DCC: variants seen among roughly 807,000 people sequenced by gnomAD.
DCC encodes the protein netrin receptor DCC.
Under a neutral mutation model 172.5 loss-of-function variants are expected in DCC, and 58 were observed. The observed-to-expected ratio is 0.34, with a 90% confidence interval of 0.27 to 0.42. The LOEUF (loss-of-function observed/expected upper bound fraction) is 0.42. Ranked by LOEUF, DCC falls within the 10% of genes least tolerant of loss-of-function variation. DCC has a pLI of 1.00. For synonymous variants in DCC, 709 were observed against 644.5 expected (o/e 1.10, Z -1.52); for missense variants, 1,740 against 1,791.0 (o/e 0.97, Z 0.51).
intron 7 of DCC, among the ~76,000 whole-genome samples, chr18:53,096,179 T>A (rs986419790): frequency 1.3e-5 from 2 of 151,734 alleles, no homozygotes; most frequent in Admixed American, 6.6e-5. Flanking sequence ...TAAATAAATT[T>A]TAAAAAATAA....
chr18:53,105,890 T>C, intron 7 of DCC, among the ~76,000 whole-genome samples: 1 of 151,480 alleles, frequency 6.6e-6, no homozygotes, highest in South Asian at 2.1e-4. Context: ...ATGTCCTCTT[T>C]AGTATATTTG....
chr18:52,851,103 G>A (rs1419351352), intron 2 of DCC, among the ~76,000 whole-genome samples: 4 of 151,980 alleles, frequency 2.6e-5, no homozygotes, highest in Admixed American at 6.6e-5. Flanking sequence ...AGTATCTTAC[G>A]ATGTATACTT....
intron 19 of DCC, among the ~76,000 whole-genome samples, chr18:53,407,528 GAT>G (rs74180422): frequency 0.3 from 35,280 of 117,314 alleles, 5,721 homozygotes; most frequent in Non-Finnish European, 0.4. Context: ...TTTTATTCTG[GAT>G]ATATATATAT....
At chr18:53,196,212 AG>A (rs1293345045) in intron 9 of DCC, among the ~76,000 whole-genome samples, 1 of 152,180 alleles carries the variant, frequency 6.6e-6, no homozygotes, top group African/African-American at 2.4e-5. Flanking sequence ...TGGTGTGTGT[AG>A]GTAGTTTTTG....
chr18:53,016,408 A>C (rs2041808253), intron 5 of DCC, among the ~76,000 whole-genome samples: 1 of 152,100 alleles, frequency 6.6e-6, no homozygotes, highest in Non-Finnish European at 1.5e-5. Flanking sequence ...ATTTAGCTGA[A>C]ATAAACAATG....
chr18:53,321,945 A>G (rs1225086360), intron 13 of DCC, 102 bp from the exon 14 acceptor site: 3 of 775,344 alleles, frequency 3.9e-6, no homozygotes, highest in East Asian at 2.4e-5. Flanking sequence ...AATGTAAAGC[A>G]TGTCCACTAT....
At chr18:53,251,445 G>A (rs1428324913) in intron 12 of DCC, among the ~76,000 whole-genome samples, 1 of 151,750 alleles carries the variant, frequency 6.6e-6, no homozygotes, top group Non-Finnish European at 1.5e-5. Context: ...ATGTCCTATG[G>A]ATATAACTAA....
intron 28 of DCC, among the ~76,000 whole-genome samples, chr18:53,527,281 C>A (rs1233743655): frequency 6.6e-6 from 1 of 151,016 alleles, no homozygotes; most frequent in Non-Finnish European, 1.5e-5. Flanking sequence ...TTCACAGGCA[C>A]AATCATAGTG....
At chr18:52,368,937 A>G (rs1318448716) in intron 1 of DCC, among the ~76,000 whole-genome samples, 2 of 152,168 alleles carry the variant, frequency 1.3e-5, no homozygotes, top group Non-Finnish European at 2.9e-5. Flanking sequence ...ATGCAAATCA[A>G]AGTTGTTGTT....
rs28578467 is a variant in DCC, at chr18:53,468,986, C to T, written c.3736+976C>T. Among the ~76,000 whole-genome samples, 87 of 152,232 alleles carry T rather than the reference C, an allele frequency of 5.7e-4. 1 individual carries two copies. The highest frequency in any genetic ancestry group is 1.9e-3 in the African/African-American group (80 of 41,548). On this transcript the variant is annotated intron_variant, in intron 25 of 28. Coordinates refer to ENST00000442544, the MANE Select transcript of DCC (RefSeq NM_005215.4). ...CCTTCCCACCTCAATTCATAAATTC[C>T]ATGTCACACCAAATCAAACCAGTAC...
chr18:52,589,128 A>G (rs2033742737), intron 1 of DCC, among the ~76,000 whole-genome samples: 1 of 152,214 alleles, frequency 6.6e-6, no homozygotes, highest in Non-Finnish European at 1.5e-5. Flanking sequence ...TGACTGATGA[A>G]TCATATGTGG....
chr18:53,511,602 C>T (rs1023196522), intron 27 of DCC, among the ~76,000 whole-genome samples: 35 of 152,218 alleles, frequency 2.3e-4, no homozygotes, highest in African/African-American at 6.5e-4. Context: ...AGTGGGTGCG[C>T]ACACCGTGCG....
intron 15 of DCC, among the ~76,000 whole-genome samples, chr18:53,342,745 A>ATT (rs1253108950): frequency 7.5e-6 from 1 of 133,402 alleles, no homozygotes; most frequent in African/African-American, 2.5e-5. Context: ...ATATATATAT[A>ATT]TATGGATATA....
At chr18:52,440,675 T>G (rs1987945041) in intron 1 of DCC, among the ~76,000 whole-genome samples, 1 of 152,218 alleles carries the variant, frequency 6.6e-6, no homozygotes, top group Admixed American at 6.5e-5. Flanking sequence ...TATTCTAAAT[T>G]GCACTGTTAG....
At chr18:52,790,592 T>A (rs1231508259) in intron 2 of DCC, among the ~76,000 whole-genome samples, 2 of 152,120 alleles carry the variant, frequency 1.3e-5, no homozygotes, top group Non-Finnish European at 2.9e-5. Flanking sequence ...AAGATAGCCA[T>A]TTTATACCGT....
intron 27 of DCC, among the ~76,000 whole-genome samples, chr18:53,526,048 C>G (rs1469908068): frequency 6.6e-6 from 1 of 152,052 alleles, no homozygotes; most frequent in Non-Finnish European, 1.5e-5. Flanking sequence ...AGCAGAATGT[C>G]TTTTATTGAC....
intron 24 of DCC, among the ~76,000 whole-genome samples, chr18:53,459,668 T>A (rs1465305464): frequency 6.6e-6 from 1 of 152,206 alleles, no homozygotes; most frequent in African/African-American, 2.4e-5. Context: ...TAATAATTCT[T>A]TTATAATTTT....
intron 1 of DCC, among the ~76,000 whole-genome samples, chr18:52,523,233 G>T (rs1183314271): frequency 1.3e-5 from 2 of 152,066 alleles, no homozygotes; most frequent in Non-Finnish European, 2.9e-5. Flanking sequence ...GGTGTCTAGG[G>T]GAACATGGAG....
At chr18:53,303,534 T>G (rs1158215022) in intron 12 of DCC, among the ~76,000 whole-genome samples, 1 of 152,220 alleles carries the variant, frequency 6.6e-6, no homozygotes, top group African/African-American at 2.4e-5. Context: ...ATTTTAGCAC[T>G]TGAGTTGGAC....
Sources: allele counts gnomAD v4.1 joint callset (sites outside exome capture counted in the v4.1 genomes callset), GRCh38; gene constraint gnomAD v4.1.1; transcripts MANE v1.5; gene names NCBI Gene and HGNC (gene_info 2026-07-23, HGNC 2026-07-21).